The following PRKAB2 variants were observed in gnomAD, a reference collection of about 807,000 sequenced individuals.
The protein encoded by PRKAB2 is protein kinase AMP-activated non-catalytic subunit beta 2, also known as 5'-AMP-activated protein kinase subunit beta-2.
A neutral mutation model predicts 29.8 loss-of-function variants in PRKAB2; 18 were observed. That is an observed-to-expected ratio of 0.60 (90% CI 0.42 to 0.89). The LOEUF (loss-of-function observed/expected upper bound fraction) is 0.89, where lower values mean the gene tolerates loss of function less well. Among genes scored for constraint, PRKAB2 ranks in the 40% least tolerant of loss-of-function variants. The pLI is 0.00. For missense variants in PRKAB2, 270 were observed against 344.3 expected (o/e 0.78, Z 1.71); for synonymous variants, 136 against 125.9 (o/e 1.08, Z -0.54).
chr1:147,162,630 G>C, intron 5 of PRKAB2, 57 bp from the exon 6 acceptor site: 1 of 1,510,062 alleles, frequency 6.6e-7, no homozygotes, highest in Non-Finnish European at 9.0e-7. Flanking sequence ...AGAATGCATG[G>C]AAAAAGCTAT....
rs1553913739 is a variant in PRKAB2 at position 147,166,626 on chromosome 1, A to G, written c.418-8T>C. On this transcript the variant is annotated splice_polypyrimidine_tract_variant and splice_region_variant and intron_variant, in intron 4 of 7. Coordinates refer to ENST00000254101, the MANE Select transcript of PRKAB2 (RefSeq NM_005399.5). ...CTGACTGGTAACCACAGGCTGAAACAGTGAATAGAAAAAATTATTGAATCT... is the reference window on the plus strand; with the variant it reads ...CTGACTGGTAACCACAGGCTGAAACGGTGAATAGAAAAAATTATTGAATCT... 3.7e-6 allele frequency: 6 copies of G among 1,608,598 alleles called. No homozygotes were observed. Among genetic ancestry groups the G allele is most frequent in the South Asian group, 3.3e-5 (3 of 90,268 alleles).
At position 147,166,737 on chromosome 1, in the gene PRKAB2, G is replaced by C. The variant is rs116122575; in HGVS notation, c.417+109C>G. The C allele has an allele frequency of 1.8e-3, 2,841 of 1,550,396 alleles. 45 individuals carry two copies. The African/African-American group carries it at 0.033, about 18-fold the overall frequency. ...TCTCAGCACCTCCACGTTTTATCAAGAGAGAAATCCTCCAGTGTAGGGGAG... is the reference window on the plus strand; with the variant it reads ...TCTCAGCACCTCCACGTTTTATCAACAGAGAAATCCTCCAGTGTAGGGGAG... On this transcript the variant is annotated intron_variant, in intron 4 of 7. Coordinates refer to ENST00000254101, the MANE Select transcript of PRKAB2 (RefSeq NM_005399.5).
Position 147,166,632 on chromosome 1 carries a change from T to A in PRKAB2, c.418-14A>T. 1 of 1,606,222 alleles carries A rather than the reference T, an allele frequency of 6.2e-7. No individual in the cohort carries two copies. Among genetic ancestry groups the A allele is most frequent in the Admixed American group, 1.7e-5 (1 of 57,528 alleles). ...GGTAACCACAGGCTGAAACAGTGAA[T>A]AGAAAAAATTATTGAATCTCTCTTT... On this transcript the variant is annotated splice_polypyrimidine_tract_variant and intron_variant, in intron 4 of 7. Coordinates refer to ENST00000254101, the MANE Select transcript of PRKAB2 (RefSeq NM_005399.5).
intron 2 of PRKAB2, among the ~76,000 whole-genome samples, chr1:147,170,127 C>T (rs1332546975): frequency 6.6e-6 from 1 of 152,164 alleles, no homozygotes; most frequent in African/African-American, 2.4e-5. Context: ...ACAATCAGAA[C>T]TACAGTTTGA....
Position 147,162,554 on chromosome 1 carries a change from TG to T in PRKAB2, c.557del (p.Pro186GlnfsTer53). Reference sequence around the variant, plus strand: ...CATACATTTCTTGACCATAAGGCCCTGGGGGTGAGCTGGAAAGGTCTGAAAG... The same window carrying T: ...CATACATTTCTTGACCATAAGGCCCTGGGGTGAGCTGGAAAGGTCTGAAAG... The part of the protein sequence containing the change: ...TSCRDLSSSP[P>X]GPYGQEMYAF... On this transcript the variant is annotated frameshift_variant, in exon 6 of 8. Coordinates refer to ENST00000254101, the MANE Select transcript of PRKAB2 (RefSeq NM_005399.5). LOFTEE classifies it high-confidence loss of function. 1 of 1,611,324 alleles carries T rather than the reference TG, an allele frequency of 6.2e-7. No individual in the cohort carries two copies. Among genetic ancestry groups the T allele is most frequent in the Non-Finnish European group, 8.5e-7 (1 of 1,178,568 alleles).
chr1:147,167,990 G>C, intron 2 of PRKAB2, 57 bp from the exon 3 acceptor site: 1 of 1,544,930 alleles, frequency 6.5e-7, no homozygotes, highest in Non-Finnish European at 8.8e-7. Context: ...ATTCTAAAAA[G>C]GTCACTCTCC....
At chr1:147,161,843 C>G (rs1018589551) in intron 6 of PRKAB2, 63 bp from the exon 7 acceptor site, 1 of 1,325,760 alleles carries the variant, frequency 7.5e-7, no homozygotes, top group African/African-American at 1.5e-5. Flanking sequence ...ACAGACAAAC[C>G]AAACAGCTTA....
In PRKAB2 at chr1:147,167,997, C is replaced by A. The variant is rs1413469745; in HGVS notation, c.157-64G>T. On this transcript the variant is annotated intron_variant, in intron 2 of 7. Transcript: ENST00000254101. ...ACCCAAGAATTCTAAAAAGGTCACT[C>A]TCCTCCCTAGGATAGAGAAGGGTGC... 5 of 1,523,926 alleles carry A rather than the reference C, an allele frequency of 3.3e-6. No individual in the cohort carries two copies. The East Asian group carries it at 1.1e-4, about 35-fold the overall frequency. The allele number at this position is 1,523,926 out of a possible 1,614,324, so 94.4% of individuals were successfully genotyped here.
intron 5 of PRKAB2, among the ~76,000 whole-genome samples, chr1:147,164,932 AC>A (rs1553913489): frequency 2.0e-5 from 3 of 152,338 alleles, no homozygotes; most frequent in Non-Finnish European, 4.4e-5. Flanking sequence ...GCATTTTAAA[AC>A]CCTTTTAAAT....
In PRKAB2 at chr1:147,171,992, G is replaced by A. The variant is rs200528120; in HGVS notation, c.153C>T (p.Ser51=). Residue 51 remains serine (S), a synonymous_variant, in exon 2 of 8, where the codon TCC becomes TCT. Coordinates refer to ENST00000254101, the MANE Select transcript of PRKAB2 (RefSeq NM_005399.5). The part of the protein sequence containing the change: ...DDPSVFSLPD[S]KLPGDKEFVS... ...ACTGCGGGCATGGGACGCTTACCTT[G>A]GAGTCAGGGAGGCTGAACACGCTGG... 7.5e-6 allele frequency: 12 copies of A among 1,600,786 alleles called. No homozygotes were observed. The highest frequency in any genetic ancestry group is 1.0e-5 in the Non-Finnish European group (12 of 1,174,386).
At position 147,155,730 on chromosome 1, in the gene PRKAB2, GAACT is replaced by G. The variant is rs1345896943; in HGVS notation, c.*3831_*3834del. 1.3e-5 allele frequency: 2 copies of G among 152,378 alleles called. No individual in the cohort carries two copies. Among genetic ancestry groups the G allele is most frequent in the Admixed American group, 1.3e-4 (2 of 15,226 alleles). The allele number at this position is 152,378 out of a possible 1,614,324, so 9.4% of individuals were successfully genotyped here. ...TTCAAGTTAACTCCAACTAATATTGGAACTAATAAAAAATTAATTTGTAACAAAG... is the reference window on the plus strand; with the variant it reads ...TTCAAGTTAACTCCAACTAATATTGGAATAAAAAATTAATTTGTAACAAAG... On this transcript the variant is annotated 3_prime_UTR_variant, in exon 8 of 8. Coordinates refer to ENST00000254101, the MANE Select transcript of PRKAB2 (RefSeq NM_005399.5).
intron 5 of PRKAB2, among the ~76,000 whole-genome samples, chr1:147,166,077 A>C (rs782069876): frequency 1.3e-5 from 2 of 152,278 alleles, no homozygotes; most frequent in South Asian, 4.1e-4. Flanking sequence ...GAAACTGCTA[A>C]CTGAGGTCTC....
At chr1:147,172,229 G>A in intron 1 of PRKAB2, 62 bp from the exon 2 acceptor site, 2 of 1,441,978 alleles carry the variant, frequency 1.4e-6, no homozygotes, top group East Asian at 2.5e-5. Context: ...GGCGCCCCCC[G>A]GCCCCGCCCC....
Position 147,157,944 on chromosome 1 carries a change from A to C in PRKAB2, c.*1621T>G, listed in dbSNP as rs1553912626. ...ATCACACCTGGAATCCAAGAGGTCT[A>C]CAAGTCCAAAGACAACTGTGTTATC... On this transcript the variant is annotated 3_prime_UTR_variant, in exon 8 of 8. Transcript: ENST00000254101. 6.6e-6 allele frequency: 1 copy of C among 152,206 alleles called. No individual in the cohort carries two copies. Among genetic ancestry groups the C allele is most frequent in the African/African-American group, 2.4e-5 (1 of 41,438 alleles). 9.4% of individuals were successfully genotyped at this position (152,206 alleles called of 1,614,324 possible).
chr1:147,159,110 A>G lies in PRKAB2; in HGVS notation c.*455T>C, dbSNP rs895412200. The G allele has an allele frequency of 1.9e-5, 3 of 159,068 alleles. No individual in the cohort carries two copies. The allele number at this position is 159,068 out of a possible 1,614,324, so 9.9% of individuals were successfully genotyped here. ...CCCATGCAAGAAAAACTGCCCTTGC[A>G]ATGAGGCAGCTGTTAAGTAGGGCAG... is the stretch of plus-strand genomic sequence containing the variant. On this transcript the variant is annotated 3_prime_UTR_variant, in exon 8 of 8. Transcript: ENST00000254101.
chr1:147,157,396 C>T lies in PRKAB2; in HGVS notation c.*2169G>A, dbSNP rs1653726159. 1 of 152,116 alleles carries T rather than the reference C, an allele frequency of 6.6e-6. No homozygotes were observed. The highest frequency in any genetic ancestry group is 1.5e-5 in the Non-Finnish European group (1 of 68,016). The allele number at this position is 152,116 out of a possible 1,614,324, so 9.4% of individuals were successfully genotyped here. On this transcript the variant is annotated 3_prime_UTR_variant, in exon 8 of 8. Transcript: ENST00000254101. ...GAACTTGGGAAACTGACACTCTCTGCACATTTCCAGAGAGAAAGATCTGAA... is the reference window on the plus strand; with the variant it reads ...GAACTTGGGAAACTGACACTCTCTGTACATTTCCAGAGAGAAAGATCTGAA...
chr1:147,160,864 C>T (rs587765671), intron 7 of PRKAB2: 2 of 152,036 alleles, frequency 1.3e-5, no homozygotes, highest in East Asian at 1.9e-4. Context: ...ATACTTACAA[C>T]GTTATTATAA....
chr1:147,160,059 A>C (rs1653878587), intron 7 of PRKAB2, among the ~76,000 whole-genome samples: 1 of 152,208 alleles, frequency 6.6e-6, no homozygotes, highest in Admixed American at 6.5e-5. Flanking sequence ...CCATTTCTAG[A>C]AGAAAGTCTT....
chr1:147,166,442 T>C, intron 5 of PRKAB2, 56 bp downstream of exon 5: 2 of 1,577,450 alleles, frequency 1.3e-6, no homozygotes, highest in East Asian at 2.3e-5. Flanking sequence ...TAAACAACTT[T>C]TAGGAAGGAA....
Sources: gnomAD v4.1 joint callset for allele counts (sites outside exome capture counted in the v4.1 genomes callset) on GRCh38, gnomAD v4.1.1 for gene constraint, MANE v1.5 for transcripts, NCBI Gene and HGNC (gene_info 2026-07-23, HGNC 2026-07-21) for gene names.